The following CDK12 variants were observed in gnomAD, a reference collection of about 807,000 sequenced individuals.
The protein encoded by CDK12 is cyclin-dependent kinase 12.
A neutral mutation model predicts 133.8 loss-of-function variants in CDK12; 17 were observed. The observed-to-expected ratio is 0.13, with a 90% confidence interval of 0.09 to 0.19. The LOEUF (loss-of-function observed/expected upper bound fraction) is 0.19. CDK12 is among the 10% of genes least tolerant of loss of function. The probability of loss-of-function intolerance (pLI) is 1.00; values close to 1 mark genes in which losing one functional copy is unlikely to be tolerated. For synonymous variants in CDK12, 694 were observed against 683.6 expected, an observed-to-expected ratio of 1.02 and a Z score of -0.24; for missense variants, 1,508 against 1,818.7, an observed-to-expected ratio of 0.83 and a Z score of 3.11.
chr17:39,476,711 C>CATTTTTTTTTTTTTTT lies in CDK12; in HGVS notation c.1931+4948_1931+4949insATTTTTTTTTTTTTTT, dbSNP rs1555553398. Reference sequence around the variant, plus strand: ...TACAGGCATGAGCCACCATGCCTGCCTTTTTTTTTTTTTTTTTTTTTTTTT... The same window carrying CATTTTTTTTTTTTTTT: ...TACAGGCATGAGCCACCATGCCTGCCATTTTTTTTTTTTTTTTTTTTTTTTTTTTTTTTTTTTTTTT... On this transcript the variant is annotated intron_variant, in intron 2 of 13. Transcript: ENST00000447079. Among the ~76,000 whole-genome samples the CATTTTTTTTTTTTTTT allele has an allele frequency of 9.6e-3, 811 of 84,520 alleles. 314 individuals are homozygous for CATTTTTTTTTTTTTTT. The highest frequency in any genetic ancestry group is 0.062 in the Middle Eastern group (8 of 128). The allele number at this position is 84,520 out of a possible 152,430, so 55.4% of individuals were successfully genotyped here. A position where few individuals can be genotyped will look rare whatever the true frequency, so the allele number is the denominator to read the frequency against.
chr17:39,558,062 T>C (rs1306947316), intron 3 of CDK12, among the ~76,000 whole-genome samples: 1 of 152,158 alleles, frequency 6.6e-6, no homozygotes, highest in Admixed American at 6.5e-5. Flanking sequence ...TACTACTACT[T>C]TTATGAAGTT....
intron 4 of CDK12, among the ~76,000 whole-genome samples, chr17:39,493,328 G>A (rs1408024582): frequency 2.0e-5 from 3 of 150,168 alleles, no homozygotes; most frequent in Non-Finnish European, 3.0e-5. Flanking sequence ...TTTTTGAGAC[G>A]GGGTCTTGCG....
chr17:39,500,085 T>G (rs1451729011), intron 5 of CDK12, among the ~76,000 whole-genome samples: 1 of 152,074 alleles, frequency 6.6e-6, no homozygotes, highest in Non-Finnish European at 1.5e-5. Flanking sequence ...CCTCAGCATT[T>G]TGGGATGTTG....
intron 7 of CDK12, among the ~76,000 whole-genome samples, chr17:39,511,227 A>G (rs1004338433): frequency 4.6e-5 from 7 of 150,866 alleles, no homozygotes; most frequent in Non-Finnish European, 1.0e-4. Context: ...AAAAAAAAAA[A>G]AAAAAAAAAA....
chr17:39,509,782 A>T, intron 7 of CDK12, 21 bp downstream of exon 7: 1 of 1,566,128 alleles, frequency 6.4e-7, no homozygotes, highest in East Asian at 2.2e-5. Context: ...AATTAAAATT[A>T]CATGTGGGAA....
At chr17:39,501,898 G>T (rs950650758) in intron 6 of CDK12, among the ~76,000 whole-genome samples, 9 of 151,260 alleles carry the variant, frequency 6.0e-5, no homozygotes, top group Non-Finnish European at 1.3e-4. Context: ...AGGCTGGAGT[G>T]CAGTGGCGTG....
At position 39,461,571 on chromosome 17, in the gene CDK12, G is replaced by A. The variant is rs1053358323; in HGVS notation, c.-501G>A. 1.6e-5 allele frequency: 4 copies of A among 253,752 alleles called. No individual in the cohort carries two copies. The highest frequency in any genetic ancestry group is 4.4e-5 in the African/African-American group (2 of 45,602). The allele number at this position is 253,752 out of a possible 1,614,324, so 15.7% of individuals were successfully genotyped here. A position where few individuals can be genotyped will look rare whatever the true frequency, so the allele number is the denominator to read the frequency against. On this transcript the variant is annotated 5_prime_UTR_variant, in exon 1 of 14. Transcript: ENST00000447079. Reference sequence around the variant, plus strand: ...TGGTGTGGAGGTGAAACGGAGGCAAGAAAGGGGGCTACCTCAGGAGCGAGG... The same window carrying A: ...TGGTGTGGAGGTGAAACGGAGGCAAAAAAGGGGGCTACCTCAGGAGCGAGG...
At chr17:39,561,834 G>A (rs1293960960) in intron 3 of CDK12, among the ~76,000 whole-genome samples, 1 of 152,162 alleles carries the variant, frequency 6.6e-6, no homozygotes, top group Non-Finnish European at 1.5e-5. Context: ...GGGCCCATCA[G>A]GAACAGCATA....
chr17:39,492,111 T>C (rs902229306), intron 3 of CDK12, among the ~76,000 whole-genome samples: 17 of 150,416 alleles, frequency 1.1e-4, no homozygotes, highest in South Asian at 6.3e-4. Context: ...TTTTTTTTTT[T>C]TTTGAGTCGG....
At chr17:39,548,459 T>C (rs4332770), upstream of CDK12, among the ~76,000 whole-genome samples, 119,880 of 152,144 alleles carry the variant, frequency 0.79, 47,754 homozygotes, top group South Asian at 0.92. Flanking sequence ...CCGACCCAGA[T>C]GGTGGAGGTG....
At chr17:39,471,902 T>A in intron 2 of CDK12, 139 bp downstream of exon 2, 3 of 759,120 alleles carry the variant, frequency 4.0e-6, no homozygotes, top group Non-Finnish European at 6.3e-6. Context: ...AGTCTGTAAT[T>A]ATGACATTAT....
In CDK12 at chr17:39,532,140, C is replaced by CTCTCTCTCTCTCTG. The variant is rs1184631339; in HGVS notation, c.*827_*828insCTCTCTCTCTGTCT. 9.2e-3 allele frequency: 2,057 copies of CTCTCTCTCTCTCTG among 223,796 alleles called. 9 individuals are homozygous for CTCTCTCTCTCTCTG. The highest frequency in any genetic ancestry group is 0.011 in the African/African-American group (438 of 40,840). The allele number at this position is 223,796 out of a possible 1,614,324, so 13.9% of individuals were successfully genotyped here. On this transcript the variant is annotated 3_prime_UTR_variant, in exon 14 of 14. Transcript: ENST00000447079. ...TCTCTCTCTCTCTCTCTCTCTCTCT[C>CTCTCTCTCTCTCTG]TCTGTCTCGCTTGCTCGCTCTCGCT...
chr17:39,485,638 C>T (rs1299021171), intron 2 of CDK12, among the ~76,000 whole-genome samples: 1 of 151,696 alleles, frequency 6.6e-6, no homozygotes, highest in East Asian at 1.9e-4. Flanking sequence ...TGGTCTTGAT[C>T]TCCTGACCTC....
chr17:39,473,602 C>T (rs907690250), intron 2 of CDK12, among the ~76,000 whole-genome samples: 9 of 151,960 alleles, frequency 5.9e-5, no homozygotes, highest in African/African-American at 2.2e-4. Context: ...AAAAATTAGC[C>T]GGGTGTGGCC....
At chr17:39,505,166 T>A (rs2053018118) in intron 6 of CDK12, among the ~76,000 whole-genome samples, 1 of 148,112 alleles carries the variant, frequency 6.8e-6, no homozygotes, top group Admixed American at 6.8e-5. Flanking sequence ...GAGACAGAGG[T>A]TGCAGTGAGC....
intron 5 of CDK12, among the ~76,000 whole-genome samples, chr17:39,497,542 CAAA>C (rs111911703): frequency 8.7e-6 from 1 of 115,528 alleles, no homozygotes. Context: ...GACTCTGTCT[CAAA>C]AAAAAAAAAA....
At chr17:39,524,585 C>T in intron 11 of CDK12, 89 bp from the exon 12 acceptor site, 1 of 1,154,054 alleles carries the variant, frequency 8.7e-7, no homozygotes, top group Non-Finnish European at 1.3e-6. Context: ...TTCCCACAGT[C>T]TTTGCCTTCC....
chr17:39,488,023 C>T (rs1028300583), intron 2 of CDK12, among the ~76,000 whole-genome samples: 10 of 152,014 alleles, frequency 6.6e-5, no homozygotes, highest in African/African-American at 2.4e-4. Context: ...TGGGGAGGTC[C>T]AGGATTTTGT....
chr17:39,504,770 G>A (rs958240162), intron 6 of CDK12, among the ~76,000 whole-genome samples: 2 of 150,986 alleles, frequency 1.3e-5, no homozygotes, highest in South Asian at 2.1e-4. Flanking sequence ...TCCCAGCCAC[G>A]TGGGAGGCCA....
Sources: allele counts gnomAD v4.1 joint callset (sites outside exome capture counted in the v4.1 genomes callset), GRCh38; gene constraint gnomAD v4.1.1; transcripts MANE v1.5; gene names NCBI Gene and HGNC (gene_info 2026-07-23, HGNC 2026-07-21).